The following CHODL variants were observed in gnomAD, a reference collection of about 807,000 sequenced individuals.
CHODL encodes transmembrane protein MT75.
In CHODL, 29 loss-of-function variants were observed where a neutral mutation model predicts 34.5. The observed-to-expected ratio is 0.84, with a 90% CI of 0.63 to 1.15. The LOEUF is 1.15. Ranked by LOEUF, CHODL falls within the 50% of genes most tolerant of loss-of-function variation. The probability of loss-of-function intolerance (pLI) is 0.00; values close to 1 mark genes in which losing one functional copy is unlikely to be tolerated. For synonymous variants in CHODL, 125 were observed against 116.1 expected (o/e 1.08, Z -0.49); for missense variants, 332 against 332.5 (o/e 1.00, Z 0.01).
intron 2 of CHODL, among the ~76,000 whole-genome samples, chr21:18,206,178 A>G (rs964712128): frequency 1.3e-5 from 2 of 152,162 alleles, no homozygotes; most frequent in African/African-American, 2.4e-5. Flanking sequence ...ATTAAGTCCA[A>G]TGTTTCTTTG....
At chr21:18,053,209 G>C (rs1300973378) in intron 2 of CHODL, among the ~76,000 whole-genome samples, 1 of 151,888 alleles carries the variant, frequency 6.6e-6, no homozygotes, top group African/African-American at 2.4e-5. Flanking sequence ...ATTATGGACA[G>C]CTAAAAATGT....
intron 2 of CHODL, among the ~76,000 whole-genome samples, chr21:18,065,721 A>C (rs1416241476): frequency 6.6e-6 from 1 of 152,228 alleles, no homozygotes; most frequent in East Asian, 1.9e-4. Context: ...AGAGGCACTC[A>C]TTAAGTGCAG....
intron 2 of CHODL, among the ~76,000 whole-genome samples, chr21:18,079,598 T>C (rs910404313): frequency 1.3e-5 from 2 of 150,918 alleles, no homozygotes; most frequent in Non-Finnish European, 3.0e-5. Context: ...TAGAATATTA[T>C]ATATAATCAC....
chr21:17,921,301 A>G (rs1200329406), intron 1 of CHODL, among the ~76,000 whole-genome samples: 1 of 152,148 alleles, frequency 6.6e-6, no homozygotes, highest in African/African-American at 2.4e-5. Flanking sequence ...CCTCATCTAT[A>G]TTATGGAGGG....
chr21:17,989,313 T>C (rs1051526244), intron 1 of CHODL, among the ~76,000 whole-genome samples: 1 of 152,174 alleles, frequency 6.6e-6, no homozygotes, highest in African/African-American at 2.4e-5. Context: ...AGTTTGGGTC[T>C]CATTTGTAAA....
chr21:18,020,698 G>C (rs1420928725), intron 1 of CHODL, among the ~76,000 whole-genome samples: 1 of 152,150 alleles, frequency 6.6e-6, no homozygotes, highest in Non-Finnish European at 1.5e-5. Flanking sequence ...ACAAAATATA[G>C]ATGTTGAGGT....
intron 1 of CHODL, among the ~76,000 whole-genome samples, chr21:17,991,130 A>G (rs2063793778): frequency 6.6e-6 from 1 of 152,130 alleles, no homozygotes; most frequent in Admixed American, 6.5e-5. Flanking sequence ...TACAGTTGAC[A>G]GAATTTCTTT....
chr21:18,191,345 T>A (rs529555598), intron 2 of CHODL, among the ~76,000 whole-genome samples: 52 of 151,936 alleles, frequency 3.4e-4, no homozygotes, highest in Middle Eastern at 3.4e-3. Flanking sequence ...CAGTTGAAGA[T>A]AAAAAAAATG....
intron 2 of CHODL, among the ~76,000 whole-genome samples, chr21:18,137,126 G>A (rs2072743288): frequency 1.3e-5 from 2 of 152,012 alleles, no homozygotes; most frequent in Admixed American, 6.6e-5. Flanking sequence ...TCCTTGGCCT[G>A]TGTGCAATGT....
At chr21:18,052,958 G>A (rs1484804827) in intron 2 of CHODL, among the ~76,000 whole-genome samples, 1 of 151,870 alleles carries the variant, frequency 6.6e-6, no homozygotes, top group Non-Finnish European at 1.5e-5. Flanking sequence ...TTCAAACATT[G>A]AGGAAATAGA....
chr21:18,221,043 T>G (rs989535527), intron 2 of CHODL, among the ~76,000 whole-genome samples: 5 of 152,184 alleles, frequency 3.3e-5, no homozygotes, highest in Admixed American at 3.3e-4. Context: ...ATTTGTTCAC[T>G]TGAGGGTGTC....
intron 1 of CHODL, among the ~76,000 whole-genome samples, chr21:17,988,236 T>A (rs987207953): frequency 1.3e-5 from 2 of 152,124 alleles, no homozygotes; most frequent in African/African-American, 4.8e-5. Flanking sequence ...GAGGAAGTCA[T>A]AGATCTTGCT....
intron 2 of CHODL, among the ~76,000 whole-genome samples, chr21:18,089,326 A>G (rs774905742): frequency 1.7e-4 from 26 of 151,940 alleles, no homozygotes; most frequent in Middle Eastern, 6.8e-3. Context: ...TTATTTATTA[A>G]TTTATCTGTT....
chr21:18,146,952 G>C (rs745579518), intron 2 of CHODL, among the ~76,000 whole-genome samples: 2 of 152,194 alleles, frequency 1.3e-5, no homozygotes, highest in Non-Finnish European at 2.9e-5. Context: ...GATCTTGGAA[G>C]AGGGTGAAAA....
chr21:18,188,989 A>AT (rs1407432201), intron 2 of CHODL, among the ~76,000 whole-genome samples: 1 of 152,152 alleles, frequency 6.6e-6, no homozygotes, highest in Non-Finnish European at 1.5e-5. Context: ...TTGCAGTACT[A>AT]TTTTTTTGTA....
chr21:18,183,252 C>T (rs1453976491), intron 2 of CHODL, among the ~76,000 whole-genome samples: 1 of 152,176 alleles, frequency 6.6e-6, no homozygotes. Flanking sequence ...ATGCTATTAT[C>T]TTCTAATAGG....
At chr21:17,979,972 C>G (rs905525214) in intron 1 of CHODL, among the ~76,000 whole-genome samples, 2 of 152,136 alleles carry the variant, frequency 1.3e-5, no homozygotes, top group African/African-American at 4.8e-5. Flanking sequence ...TGTTCTATTC[C>G]ATGAGGTTTC....
chr21:18,202,398 T>C (rs1177985927), intron 2 of CHODL, among the ~76,000 whole-genome samples: 1 of 152,122 alleles, frequency 6.6e-6, no homozygotes, highest in African/African-American at 2.4e-5. Flanking sequence ...CCTAACTCAA[T>C]AGAATTAGTT....
intron 2 of CHODL, among the ~76,000 whole-genome samples, chr21:18,128,594 G>A (rs2072611510): frequency 6.6e-6 from 1 of 152,040 alleles, no homozygotes; most frequent in South Asian, 2.1e-4. Flanking sequence ...ATTGGAAAGT[G>A]GATGGTGTAT....
Sources: allele counts gnomAD v4.1 joint callset (sites outside exome capture counted in the v4.1 genomes callset), GRCh38; gene constraint gnomAD v4.1.1; transcripts MANE v1.5; gene names NCBI Gene and HGNC (gene_info 2026-07-23, HGNC 2026-07-21).